Variants in DNAH8 observed in about 807,000 individuals in gnomAD.
DNAH8 encodes the protein axonemal beta dynein heavy chain 8.
DNAH8 carries 382 observed loss-of-function variants against 562.1 expected under a neutral mutation model. That is an observed-to-expected ratio of 0.68 (90% CI 0.63 to 0.74). DNAH8 has a LOEUF of 0.74. Among genes scored for constraint, DNAH8 ranks in the 30% least tolerant of loss-of-function variants. DNAH8 has a pLI of 0.00. For missense variants in DNAH8, 5,203 were observed against 5,620.4 expected, an observed-to-expected ratio of 0.93 and a Z score of 2.37; for synonymous variants, 1,881 against 1,919.4, an observed-to-expected ratio of 0.98 and a Z score of 0.52.
chr6:38,793,221 A>G (rs904203538), intron 21 of DNAH8, among the ~76,000 whole-genome samples: 6 of 152,124 alleles, frequency 3.9e-5, no homozygotes, highest in Non-Finnish European at 8.8e-5. Flanking sequence ...TGGCAAGATC[A>G]TGGCTCACTG....
intron 58 of DNAH8, among the ~76,000 whole-genome samples, chr6:38,892,107 C>G (rs1321061330): frequency 6.6e-6 from 1 of 152,138 alleles, no homozygotes; most frequent in African/African-American, 2.4e-5. Flanking sequence ...AGTGCACTGG[C>G]TACCTCATTA....
At chr6:38,849,270 T>A (rs1775551058) in intron 37 of DNAH8, among the ~76,000 whole-genome samples, 2 of 152,166 alleles carry the variant, frequency 1.3e-5, no homozygotes, top group African/African-American at 2.4e-5. Context: ...GAGAATAATA[T>A]TAAAATTAAT....
chr6:38,876,017 T>C (rs745934072), intron 53 of DNAH8, among the ~76,000 whole-genome samples, 189 bp downstream of exon 53: 5 of 152,218 alleles, frequency 3.3e-5, no homozygotes, highest in Non-Finnish European at 7.4e-5. Context: ...GAAACTGATA[T>C]TGAGACTCTT....
rs1772314960 is a variant in DNAH8 at position 38,816,718 on chromosome 6, C to T, written c.3523+1061C>T. ...TTCCCACCAACAGTGTAAAAGCATT[C>T]CTATTTCTCCACAGCCTTGCCAGCA... On this transcript the variant is annotated intron_variant, in intron 26 of 92. Transcript: ENST00000327475. Among the ~76,000 whole-genome samples the T allele has an allele frequency of 2.0e-5, 3 of 152,164 alleles. No individual in the cohort carries two copies. The South Asian group carries it at 6.2e-4, about 32-fold the overall frequency.
rs78544550 is a variant in DNAH8 at position 38,946,856 on chromosome 6, T to G, written c.12129+1268T>G. Among the ~76,000 whole-genome samples, 785 of 151,960 alleles carry G rather than the reference T, an allele frequency of 5.2e-3. 9 individuals are homozygous for G. Among genetic ancestry groups the G allele is most frequent in the African/African-American group, 0.018 (752 of 41,442 alleles). ...AAGTGATCTCGGTCTGATCAGAGAT[T>G]GGGTAAGGGAGATAGTCAAGAACCA... On this transcript the variant is annotated intron_variant, in intron 80 of 92. Coordinates refer to ENST00000327475, the MANE Select transcript of DNAH8 (RefSeq NM_001206927.2).
intron 36 of DNAH8, among the ~76,000 whole-genome samples, chr6:38,846,517 A>G (rs1317887872): frequency 3.9e-5 from 6 of 152,192 alleles, no homozygotes; most frequent in Admixed American, 3.9e-4. Context: ...AGTGAGTTGC[A>G]TGCTGCATGA....
At chr6:38,815,427 A>G (rs865939225) in intron 25 of DNAH8, 41 bp from the exon 26 acceptor site, 1 of 1,508,892 alleles carries the variant, frequency 6.6e-7, no homozygotes, top group Middle Eastern at 1.8e-4. Context: ...GATGGACTGT[A>G]TGTGCCGGCA....
intron 8 of DNAH8, among the ~76,000 whole-genome samples, chr6:38,744,602 TA>T (rs1289390087): frequency 7.1e-6 from 1 of 141,750 alleles, no homozygotes; most frequent in Non-Finnish European, 1.5e-5. Context: ...CTTTATTTTT[TA>T]TTTTTTTTGA....
chr6:38,972,691 A>G (rs1763424313), intron 83 of DNAH8, among the ~76,000 whole-genome samples: 1 of 152,196 alleles, frequency 6.6e-6, no homozygotes, highest in Non-Finnish European at 1.5e-5. Context: ...TATTGATTAT[A>G]TGGCATAATC....
At chr6:38,904,144 T>TA (rs1460747247) in intron 62 of DNAH8, among the ~76,000 whole-genome samples, 1 of 152,104 alleles carries the variant, frequency 6.6e-6, no homozygotes, top group South Asian at 2.1e-4. Flanking sequence ...GTTGAATAAA[T>TA]AAAAAAATGA....
intron 81 of DNAH8, among the ~76,000 whole-genome samples, chr6:38,949,868 T>C (rs900976260): frequency 1.3e-5 from 2 of 152,190 alleles, no homozygotes; most frequent in African/African-American, 4.8e-5. Context: ...AAAAATATGC[T>C]TTTAATATTC....
Position 38,868,113 on chromosome 6 carries a change from G to A in DNAH8, c.6745G>A (p.Gly2249Arg), listed in dbSNP as rs1179035059. ...RNILSVLRTL[G>R]SQKRARPEDS... Reference sequence around the variant, plus strand: ...TATTCTGTCTGTATTGAGGACTCTTGGATCTCAAAAAAGAGCCAGACCAGA... The same window carrying A: ...TATTCTGTCTGTATTGAGGACTCTTAGATCTCAAAAAAGAGCCAGACCAGA... The change falls in exon 48 of 93, where the codon GGA (glycine) becomes AGA (arginine). Residue 2249 changes from glycine to arginine, a missense_variant. Gly to Arg is a moderately radical substitution (Grantham distance 125). Transcript: ENST00000327475. 1 of 1,613,378 alleles carries A rather than the reference G, an allele frequency of 6.2e-7. No homozygotes were observed. The highest frequency in any genetic ancestry group is 2.2e-5 in the East Asian group (1 of 44,848).
chr6:38,874,330 C>G (rs1465002455), intron 52 of DNAH8, among the ~76,000 whole-genome samples: 2 of 123,978 alleles, frequency 1.6e-5, no homozygotes, highest in Non-Finnish European at 3.3e-5. Flanking sequence ...CCTTCCCTCC[C>G]TCTCTCTCTC....
intron 91 of DNAH8, among the ~76,000 whole-genome samples, chr6:39,020,550 T>C (rs147278318): frequency 1.3e-3 from 197 of 152,338 alleles, no homozygotes; most frequent in Admixed American, 3.2e-3. Flanking sequence ...AGTTCCGGGA[T>C]ACATGTGCAG....
intron 92 of DNAH8, among the ~76,000 whole-genome samples, chr6:39,028,089 A>AC (rs926639698): frequency 6.6e-6 from 1 of 152,114 alleles, no homozygotes; most frequent in African/African-American, 2.4e-5. Flanking sequence ...CTGAGGCCTC[A>AC]CCAGAAGCAC....
chr6:38,934,890 A>C (rs948894754), intron 76 of DNAH8, among the ~76,000 whole-genome samples: 25 of 152,236 alleles, frequency 1.6e-4, no homozygotes, highest in Non-Finnish European at 3.1e-4. Context: ...ATAGTGATAA[A>C]GCAAAATGTG....
At chr6:38,903,384 C>T (rs907754021) in intron 62 of DNAH8, among the ~76,000 whole-genome samples, 1 of 151,838 alleles carries the variant, frequency 6.6e-6, no homozygotes, top group African/African-American at 2.4e-5. Context: ...GTCCCAGACT[C>T]CTTTAAACAA....
At chr6:38,716,231 G>T (rs1220428643) in intron 1 of DNAH8, among the ~76,000 whole-genome samples, 2 of 151,058 alleles carry the variant, frequency 1.3e-5, no homozygotes, top group Non-Finnish European at 2.9e-5. Context: ...AAAGTGCTGG[G>T]ATTACAGGCA....
intron 35 of DNAH8, among the ~76,000 whole-genome samples, chr6:38,844,545 C>A (rs1337771595): frequency 3.9e-5 from 6 of 152,120 alleles, no homozygotes; most frequent in Non-Finnish European, 8.8e-5. Flanking sequence ...ACTTTGGTGA[C>A]CATCTCCTTC....
Sources: allele counts gnomAD v4.1 joint callset (sites outside exome capture counted in the v4.1 genomes callset), GRCh38; gene constraint gnomAD v4.1.1; transcripts MANE v1.5; gene names NCBI Gene and HGNC (gene_info 2026-07-23, HGNC 2026-07-21).